The following PDE1C variants were observed in gnomAD, a reference collection of about 807,000 sequenced individuals.
PDE1C encodes dual specificity calcium/calmodulin-dependent 3',5'-cyclic nucleotide phosphodiesterase 1C.
In PDE1C, 62 loss-of-function variants were observed where a neutral mutation model predicts 93.1. The observed-to-expected ratio is 0.67, with a 90% CI of 0.54 to 0.82. The LOEUF is 0.82. Ranked by LOEUF, PDE1C falls within the 40% of genes least tolerant of loss-of-function variation. The probability of loss-of-function intolerance (pLI) is 0.00; values close to 1 mark genes in which losing one functional copy is unlikely to be tolerated. For missense variants in PDE1C, 742 were observed against 884.6 expected (o/e 0.84, Z 2.04); for synonymous variants, 325 against 310.1 (o/e 1.05, Z -0.50).
In PDE1C at chr7:31,998,164, T is replaced by C. The variant is rs567954468; in HGVS notation, c.128+53390A>G. 2.0e-3 allele frequency among the ~76,000 whole-genome samples: 310 copies of C among 151,986 alleles called. 2 individuals are homozygous for C. Among genetic ancestry groups the C allele is most frequent in the Non-Finnish European group, 3.7e-3 (249 of 67,922 alleles). On this transcript the variant is annotated intron_variant, in intron 2 of 17. Coordinates refer to ENST00000396191, the MANE Select transcript of PDE1C (RefSeq NM_001191057.4). ...CCTCCCGAGTAGCTGGGACTACAGG[T>C]GCCTGCCACTATGCCCAGCTAATTT...
the PDE1C span, among the ~76,000 whole-genome samples, chr7:31,699,602 C>A: frequency 6.6e-6 from 1 of 151,800 alleles, no homozygotes; most frequent in Non-Finnish European, 1.5e-5. Flanking sequence ...TACCTCATTC[C>A]ATTTCTCTTC....
chr7:31,733,614 G>A, the PDE1C span, among the ~76,000 whole-genome samples: 1 of 152,186 alleles, frequency 6.6e-6, no homozygotes, highest in Non-Finnish European at 1.5e-5. Context: ...TGCCTGGAAT[G>A]CAGTGACACT....
Position 31,951,954 on chromosome 7 carries a change from G to A in PDE1C, c.129-71094C>T, listed in dbSNP as rs543622422. The stretch of plus-strand genomic sequence containing the variant: ...TGTTATGAATTCCATAACAAATTTA[G>A]AATATTAAAATAAAAGCTACAAATT... On this transcript the variant is annotated intron_variant, in intron 2 of 17. Coordinates refer to ENST00000396191, the MANE Select transcript of PDE1C (RefSeq NM_001191057.4). Among the ~76,000 whole-genome samples the A allele has an allele frequency of 4.5e-4, 69 of 152,234 alleles. 1 individual carries two copies. The highest frequency in any genetic ancestry group is 8.8e-5 in the Non-Finnish European group (6 of 68,020).
chr7:32,259,368 T>C (rs1810029190), intron 1 of PDE1C, among the ~76,000 whole-genome samples: 1 of 152,166 alleles, frequency 6.6e-6, no homozygotes, highest in Admixed American at 6.5e-5. Flanking sequence ...CTAATATGGC[T>C]GAATAAGTGC....
intron 2 of PDE1C, among the ~76,000 whole-genome samples, chr7:32,181,197 C>A (rs10256007): frequency 2.6e-4 from 39 of 151,934 alleles, no homozygotes; most frequent in African/African-American, 8.2e-4. Flanking sequence ...ACAATAATAA[C>A]GGGAGACTTT....
chr7:32,190,778 G>A (rs149851293), intron 2 of PDE1C, among the ~76,000 whole-genome samples: 2 of 152,208 alleles, frequency 1.3e-5, no homozygotes, highest in Non-Finnish European at 2.9e-5. Context: ...AGGATACAGT[G>A]TGAAGCAAGC....
the PDE1C span, chr7:31,707,908 G>C: frequency 6.6e-6 from 1 of 152,264 alleles, no homozygotes; most frequent in Non-Finnish European, 1.5e-5. Context: ...ACCAGAGGCA[G>C]AGAGTGCTGG....
chr7:31,643,097 T>G, the PDE1C span: 7 of 1,613,742 alleles, frequency 4.3e-6, no homozygotes, highest in Non-Finnish European at 5.1e-6. Flanking sequence ...GTCACAGAAA[T>G]GCAGGACAGT....
At chr7:31,636,502 G>C in the PDE1C span, among the ~76,000 whole-genome samples, 1 of 152,194 alleles carries the variant, frequency 6.6e-6, no homozygotes, top group African/African-American at 2.4e-5. Flanking sequence ...AAAACATATA[G>C]AAAAAGCAAT....
the PDE1C span, chr7:31,652,907 C>T: frequency 1.3e-6 from 2 of 1,546,326 alleles, no homozygotes; most frequent in Middle Eastern, 1.8e-4. Context: ...CAATTTTCCC[C>T]AAGGAGAAGG....
At chr7:31,714,613 T>C in the PDE1C span, among the ~76,000 whole-genome samples, 9 of 152,176 alleles carry the variant, frequency 5.9e-5, no homozygotes, top group African/African-American at 1.9e-4. Context: ...AAAAGAAGTT[T>C]AATGGACTTG....
At chr7:32,095,547 G>T (rs1797706671) in intron 3 of PDE1C, among the ~76,000 whole-genome samples, 2 of 152,180 alleles carry the variant, frequency 1.3e-5, no homozygotes, top group African/African-American at 4.8e-5. Context: ...GCCCTAACCT[G>T]GGCCAAGGGA....
At chr7:32,390,650 C>A (rs1784733307) in intron 1 of PDE1C, among the ~76,000 whole-genome samples, 1 of 151,872 alleles carries the variant, frequency 6.6e-6, no homozygotes, top group African/African-American at 2.4e-5. Context: ...AGTTTCAGAC[C>A]AGCCTGGGTA....
At chr7:32,066,661 A>G (rs994268303) in intron 1 of PDE1C, among the ~76,000 whole-genome samples, 5 of 152,152 alleles carry the variant, frequency 3.3e-5, no homozygotes, top group Non-Finnish European at 7.3e-5. Flanking sequence ...AAGGAGCCCT[A>G]TGAGGCTTCA....
intron 7 of PDE1C, among the ~76,000 whole-genome samples, chr7:31,851,061 G>GACACACAC (rs751991137): frequency 1.2e-3 from 103 of 83,950 alleles, no homozygotes; most frequent in African/African-American, 3.2e-3. Flanking sequence ...TTCCTAGGTA[G>GACACACAC]ACACACACAC....
rs1254713515 is a variant in PDE1C at position 32,038,030 on chromosome 7, T to G, written c.128+13524A>C. Among the ~76,000 whole-genome samples the G allele has an allele frequency of 3.9e-5, 6 of 152,324 alleles. No individual in the cohort carries two copies. In the East Asian group the frequency reaches 9.6e-4, roughly 24 times the overall value. The stretch of plus-strand genomic sequence containing the variant: ...TGACTTTCATTTTGCAAATCTCACC[T>G]ACCCTTTTTAAATATATGGTGGAAA... On this transcript the variant is annotated intron_variant, in intron 2 of 17. Transcript: ENST00000396191.
intron 9 of PDE1C, among the ~76,000 whole-genome samples, chr7:31,845,681 A>G (rs1792480502): frequency 6.6e-6 from 1 of 152,100 alleles, no homozygotes; most frequent in Non-Finnish European, 1.5e-5. Context: ...AAAATTTTTA[A>G]AAAGGTTTGA....
At chr7:31,874,532 C>T (rs1796316297) in intron 5 of PDE1C, among the ~76,000 whole-genome samples, 1 of 152,236 alleles carries the variant, frequency 6.6e-6, no homozygotes, top group Admixed American at 6.5e-5. Flanking sequence ...CCAACATAAT[C>T]CATCCATCCT....
chr7:31,775,864 C>T, intron 16 of PDE1C, 132 bp from the exon 17 acceptor site: 1 of 720,530 alleles, frequency 1.4e-6, no homozygotes, highest in Non-Finnish European at 2.4e-6. Flanking sequence ...GGTGAGGTTG[C>T]AGGGTGGTGC....
Sources: allele counts gnomAD v4.1 joint callset (sites outside exome capture counted in the v4.1 genomes callset), GRCh38; gene constraint gnomAD v4.1.1; transcripts MANE v1.5; gene names NCBI Gene and HGNC (gene_info 2026-07-23, HGNC 2026-07-21).